The following MAGI3 variants were observed in gnomAD, a reference collection of about 807,000 sequenced individuals.
MAGI3 encodes membrane associated guanylate kinase, WW and PDZ domain containing 3, also known as membrane-associated guanylate kinase, WW and PDZ domain-containing protein 3.
Under a neutral mutation model 121.8 loss-of-function variants are expected in MAGI3, and 43 were observed. The observed-to-expected ratio is 0.35, with a 90% CI of 0.28 to 0.46. The LOEUF (loss-of-function observed/expected upper bound fraction) is 0.46, where lower values mean the gene tolerates loss of function less well. MAGI3 is among the 20% of genes least tolerant of loss of function. The probability of loss-of-function intolerance (pLI) is 1.00; values close to 1 mark genes in which losing one functional copy is unlikely to be tolerated. For missense variants in MAGI3, 1,547 were observed against 1,797.3 expected (o/e 0.86, Z 2.52); for synonymous variants, 553 against 639.3 (o/e 0.86, Z 2.04).
At chr1:113,608,653 C>T (rs1208443479) in intron 6 of MAGI3, among the ~76,000 whole-genome samples, 2 of 152,170 alleles carry the variant, frequency 1.3e-5, no homozygotes, top group Non-Finnish European at 2.9e-5. Context: ...CTGAGCCAAG[C>T]ATATTGAGTT....
At chr1:113,437,934 T>G (rs1653707092) in intron 1 of MAGI3, among the ~76,000 whole-genome samples, 1 of 130,592 alleles carries the variant, frequency 7.7e-6, no homozygotes, top group Non-Finnish European at 1.6e-5. Flanking sequence ...TCCTTCTCCT[T>G]CTCCTTCTCC....
intron 8 of MAGI3, among the ~76,000 whole-genome samples, chr1:113,620,411 C>A (rs1436625252): frequency 2.0e-5 from 3 of 152,146 alleles, no homozygotes; most frequent in African/African-American, 7.2e-5. Context: ...CTACTTATCC[C>A]TCCCCATCCC....
intron 2 of MAGI3, among the ~76,000 whole-genome samples, chr1:113,561,749 G>A (rs1485441675): frequency 6.6e-6 from 1 of 152,082 alleles, no homozygotes; most frequent in Admixed American, 6.6e-5. Context: ...ATATAGTTTT[G>A]GAAGTTCTGA....
intron 4 of MAGI3, among the ~76,000 whole-genome samples, chr1:113,587,919 G>A (rs754336190): frequency 7.0e-4 from 106 of 152,080 alleles, no homozygotes; most frequent in Non-Finnish European, 2.6e-4. Context: ...AATAAATCAT[G>A]TGTTTGATTC....
intron 2 of MAGI3, among the ~76,000 whole-genome samples, chr1:113,575,666 G>A (rs925435808): frequency 3.9e-5 from 6 of 152,198 alleles, no homozygotes; most frequent in Non-Finnish European, 7.3e-5. Flanking sequence ...AAGGCATGGG[G>A]GTCAGGGACC....
chr1:113,512,877 T>C (rs958032120), intron 1 of MAGI3, among the ~76,000 whole-genome samples: 6 of 152,248 alleles, frequency 3.9e-5, no homozygotes, highest in South Asian at 2.1e-4. Context: ...CTAGAAAACC[T>C]CATTGTCTCA....
Position 113,485,745 on chromosome 1 carries a change from A to G in MAGI3, c.317-63770A>G, listed in dbSNP as rs977431007. 5.9e-5 allele frequency among the ~76,000 whole-genome samples: 9 copies of G among 152,302 alleles called. 1 individual carries two copies. Among genetic ancestry groups the G allele is most frequent in the African/African-American group, 2.2e-4 (9 of 41,564 alleles). ...AGTCATGAAGTCTTTGCTTAAGCCA[A>G]TGTCTAGAAGGGTTTTTCCAATGTT... On this transcript the variant is annotated intron_variant, in intron 1 of 20. Transcript: ENST00000307546.
intron 14 of MAGI3, 26 bp downstream of exon 14, chr1:113,651,232 A>C: frequency 6.4e-7 from 1 of 1,570,610 alleles, no homozygotes; most frequent in Non-Finnish European, 8.6e-7. Context: ...CCTGCTCTGA[A>C]AAGTTAAAAA....
intron 1 of MAGI3, among the ~76,000 whole-genome samples, chr1:113,452,726 C>T (rs1036823006): frequency 6.6e-6 from 1 of 151,990 alleles, no homozygotes; most frequent in Non-Finnish European, 1.5e-5. Flanking sequence ...ATTAAATAAC[C>T]TCTAGGGTGA....
At chr1:113,393,542 A>G (rs1293701794) in intron 1 of MAGI3, among the ~76,000 whole-genome samples, 1 of 152,206 alleles carries the variant, frequency 6.6e-6, no homozygotes, top group East Asian at 1.9e-4. Context: ...TAGGTATTAT[A>G]TTAAATGGCT....
chr1:113,401,218 G>T (rs1209374547), intron 1 of MAGI3, among the ~76,000 whole-genome samples: 3 of 152,012 alleles, frequency 2.0e-5, no homozygotes, highest in Non-Finnish European at 4.4e-5. Context: ...TTACTTTCTG[G>T]ATAGAATATT....
chr1:113,545,995 C>T (rs186171458), intron 1 of MAGI3, among the ~76,000 whole-genome samples: 2 of 152,240 alleles, frequency 1.3e-5, no homozygotes, highest in East Asian at 3.9e-4. Flanking sequence ...CAGTGTCTTT[C>T]TGAGTTAATG....
At chr1:113,640,672 CA>C (rs1488218390) in intron 9 of MAGI3, among the ~76,000 whole-genome samples, 2 of 151,716 alleles carry the variant, frequency 1.3e-5, no homozygotes, top group East Asian at 3.9e-4. Flanking sequence ...GGGAGTTGAA[CA>C]ATGAGAACAC....
At chr1:113,635,754 G>A (rs202190840) in intron 9 of MAGI3, among the ~76,000 whole-genome samples, 4,345 of 103,674 alleles carry the variant, frequency 0.042, no homozygotes, top group African/African-American at 0.059. Flanking sequence ...ATGAGTTAGG[G>A]AGGATTCCCT....
chr1:113,671,945 T>A (rs1327628753), intron 17 of MAGI3, 109 bp downstream of exon 17: 1 of 978,434 alleles, frequency 1.0e-6, no homozygotes, highest in Non-Finnish European at 1.6e-6. Flanking sequence ...GTAATGCAGA[T>A]GCCAGCTGTT....
intron 16 of MAGI3, among the ~76,000 whole-genome samples, 182 bp downstream of exon 16, chr1:113,659,447 G>A (rs1321125631): frequency 2.0e-5 from 3 of 152,172 alleles, no homozygotes; most frequent in Non-Finnish European, 4.4e-5. Context: ...TTATAAAGTT[G>A]TCAGCAGCTC....
intron 1 of MAGI3, among the ~76,000 whole-genome samples, chr1:113,430,361 T>C (rs1653242351): frequency 6.6e-6 from 1 of 152,210 alleles, no homozygotes; most frequent in African/African-American, 2.4e-5. Context: ...TGATCAGATA[T>C]GGAGCCATTG....
chr1:113,682,320 G>A (rs373314347), intron 20 of MAGI3: 64 of 1,579,344 alleles, frequency 4.1e-5, no homozygotes, highest in Non-Finnish European at 4.7e-5. Flanking sequence ...TGCATGTCTT[G>A]TAAATCACTT....
chr1:113,635,597 G>A (rs1292671817), intron 9 of MAGI3, among the ~76,000 whole-genome samples: 11 of 151,804 alleles, frequency 7.2e-5, no homozygotes, highest in Admixed American at 3.3e-4. Flanking sequence ...TGGTGGATAA[G>A]CTTTTTGATG....
Sources: gnomAD v4.1 joint callset for allele counts (sites outside exome capture counted in the v4.1 genomes callset) on GRCh38, gnomAD v4.1.1 for gene constraint, MANE v1.5 for transcripts, NCBI Gene and HGNC (gene_info 2026-07-23, HGNC 2026-07-21) for gene names.